Variants in BCAR1 observed in about 807,000 individuals in gnomAD.
BCAR1 encodes BCAR1 scaffold protein, Cas family member.
Under a neutral mutation model 67.6 loss-of-function variants are expected in BCAR1, and 30 were observed. That is an observed-to-expected ratio of 0.44 (90% CI 0.33 to 0.60). The LOEUF (loss-of-function observed/expected upper bound fraction) is 0.60, where lower values mean the gene tolerates loss of function less well. Ranked by LOEUF, BCAR1 falls within the 20% of genes least tolerant of loss-of-function variation. The pLI, the probability that BCAR1 is intolerant of heterozygous loss-of-function variation, is 0.02. For missense variants in BCAR1, 1,313 were observed against 1,222.3 expected (o/e 1.07, Z -1.11); for synonymous variants, 626 against 556.7 (o/e 1.12, Z -1.75).
upstream of BCAR1, chr16:75,256,288 G>C (rs1209121081): frequency 7.9e-6 from 1 of 126,342 alleles, no homozygotes; most frequent in Admixed American, 7.8e-5. Context: ...ACTCAAGCTG[G>C]AGCTGTTACC....
At chr16:75,244,992 A>G (rs934874544) in intron 1 of BCAR1, among the ~76,000 whole-genome samples, 4 of 152,222 alleles carry the variant, frequency 2.6e-5, no homozygotes, top group African/African-American at 9.6e-5. Context: ...TTGGGGCTGA[A>G]AAACTACACA....
At chr16:75,266,470 C>CT in intron 1 of BCAR1, 1 of 337,530 alleles carries the variant, frequency 3.0e-6, no homozygotes, top group Non-Finnish European at 5.3e-6. Flanking sequence ...ACCCCCACTC[C>CT]TGGGCCCACC....
At chr16:75,248,217 C>T in intron 1 of BCAR1, 7 of 1,546,150 alleles carry the variant, frequency 4.5e-6, no homozygotes, top group Non-Finnish European at 6.1e-6. Flanking sequence ...GTGGAAACCA[C>T]CAGAGGAAAT....
Position 75,235,820 on chromosome 16 carries a change from T to A in BCAR1, c.1079A>T (p.Asp360Val), listed in dbSNP as rs773586132. 6.3e-7 allele frequency: 1 copy of A among 1,583,188 alleles called. No homozygotes were observed. The highest frequency in any genetic ancestry group is 8.6e-7 in the Non-Finnish European group (1 of 1,165,862). ...AGCCGGGGGCGGCACGTCATACACG[T>A]CCTCGGCCGGCGGGGAGTCTGGAGG... ...APPPDSPPAEDVYDVPPPAPD... is the reference protein window; with the variant it reads ...APPPDSPPAEVVYDVPPPAPD... Residue 360 changes from aspartate to valine, a missense_variant, in exon 5 of 7, where the codon GAC becomes GTC. By Grantham distance (152) the Asp-to-Val change is radical (BLOSUM62 -3). Coordinates refer to ENST00000162330, the MANE Select transcript of BCAR1 (RefSeq NM_014567.5).
chr16:75,266,635 C>A, intron 1 of BCAR1: 1 of 1,051,238 alleles, frequency 9.5e-7, no homozygotes, highest in East Asian at 3.2e-5. Flanking sequence ...CATGTTCGTC[C>A]CCATCGCTCC....
intron 1 of BCAR1, among the ~76,000 whole-genome samples, chr16:75,259,578 C>T (rs1203088853): frequency 3.3e-5 from 5 of 152,130 alleles, no homozygotes; most frequent in African/African-American, 7.2e-5. Context: ...ACTGGCCGGG[C>T]GCGGTGGCTC....
chr16:75,265,971 C>T (rs1222339855), intron 1 of BCAR1: 15 of 1,063,294 alleles, frequency 1.4e-5, no homozygotes, highest in Non-Finnish European at 1.6e-5. Flanking sequence ...CGTTCCCGGA[C>T]GCCGGACTGT....
At chr16:75,246,316 T>G (rs1253181120) in intron 1 of BCAR1, 3 of 152,280 alleles carry the variant, frequency 2.0e-5, no homozygotes, top group African/African-American at 7.2e-5. Flanking sequence ...CTGCTTTGGC[T>G]GGGCTCCGCA....
Position 75,235,204 on chromosome 16 carries a change from G to T in BCAR1, c.1695C>A (p.Gly565=). The T allele has an allele frequency of 6.2e-7, 1 of 1,608,244 alleles. No homozygotes were observed. The change falls in exon 5 of 7, where the codon GGC becomes GGA. Residue 565 remains glycine, a synonymous_variant. Coordinates refer to ENST00000162330, the MANE Select transcript of BCAR1 (RefSeq NM_014567.5). ...CAAGGGTGGCTCCAGAGCCTCCCCG[G>T]CCAGCGTCGAGGGCCTGACCATGTG... The part of the protein sequence containing the change: ...LVAHGQALDA[G]RGGSGATLED...
intron 6 of BCAR1, among the ~76,000 whole-genome samples, chr16:75,231,448 T>A (rs1054443928): frequency 6.6e-6 from 1 of 152,246 alleles, no homozygotes; most frequent in Non-Finnish European, 1.5e-5. Flanking sequence ...GTCCATACTT[T>A]ATTGAATCAA....
At chr16:75,265,015 C>G (rs2077973307) in intron 1 of BCAR1, 1 of 152,764 alleles carries the variant, frequency 6.5e-6, no homozygotes, top group Non-Finnish European at 1.5e-5. Flanking sequence ...GGATCACTTG[C>G]TGTTCTCAGG....
At chr16:75,248,395 G>T in intron 1 of BCAR1, 1 of 1,196,102 alleles carries the variant, frequency 8.4e-7, no homozygotes. Flanking sequence ...CTATTTGCTT[G>T]TCCCAAAGAG....
upstream of BCAR1, chr16:75,252,286 A>G (rs952763816): frequency 1.4e-5 from 21 of 1,536,610 alleles, no homozygotes; most frequent in Non-Finnish European, 1.8e-5. Flanking sequence ...CCTCCAGCTG[A>G]TCTGCCTCCT....
Position 75,229,497 on chromosome 16 carries a change from T to C in BCAR1, c.*14A>G. On this transcript the variant is annotated 3_prime_UTR_variant, in exon 7 of 7. Transcript: ENST00000162330. The stretch of plus-strand genomic sequence containing the variant: ...CCGCACCCCTCCCCTGCCTCCCTCC[T>C]GGGGTCACCACCCTCAGGCGGCTGC... 4.5e-6 allele frequency: 7 copies of C among 1,542,938 alleles called. No individual in the cohort carries two copies. The highest frequency in any genetic ancestry group is 6.1e-6 in the Non-Finnish European group (7 of 1,145,542).
intron 1 of BCAR1, among the ~76,000 whole-genome samples, chr16:75,257,595 C>A (rs1378961055): frequency 6.6e-6 from 1 of 152,226 alleles, no homozygotes; most frequent in Non-Finnish European, 1.5e-5. Flanking sequence ...GCTGGGTCTA[C>A]AGGTGTGCAC....
rs1183631270 is a variant in BCAR1, at chr16:75,229,571, C to A, written c.2553G>T (p.Lys851Asn). 3.1e-6 allele frequency: 5 copies of A among 1,609,428 alleles called. No individual in the cohort carries two copies. The highest frequency in any genetic ancestry group is 4.2e-6 in the Non-Finnish European group (5 of 1,178,942). Residue 851 changes from lysine (K) to asparagine (N), a missense_variant, in exon 7 of 7, where the codon AAG becomes AAT. By Grantham distance (94) the Lys-to-Asn change is moderately conservative (BLOSUM62 0). Coordinates refer to ENST00000162330, the MANE Select transcript of BCAR1 (RefSeq NM_014567.5). ...ACTGCTGGGTGCTGTGGCCCAGCTCCTTGACCCTCTCCACCATGTCCTGGG... is the reference window on the plus strand; with the variant it reads ...ACTGCTGGGTGCTGTGGCCCAGCTCATTGACCCTCTCCACCATGTCCTGGG... ...SAAQDMVERV[K>N]ELGHSTQQFR... is the part of the protein sequence containing the mutation.
At chr16:75,254,208 G>T (rs1001464643), upstream of BCAR1, among the ~76,000 whole-genome samples, 1 of 152,132 alleles carries the variant, frequency 6.6e-6, no homozygotes, top group Non-Finnish European at 1.5e-5. Flanking sequence ...AAATGGGGCT[G>T]CTAGACCTCA....
rs769561248 is a variant in BCAR1, at chr16:75,242,604, C to A, written c.499G>T (p.Val167Leu). ...FPSPATDLYQ[V>L]PPGPGGPAQD... Reference sequence around the variant, plus strand: ...GCAGGGCCTCCAGGCCCTGGGGGCACCTGGTACAGGTCTGTGGCCGGGCTG... The same window carrying A: ...GCAGGGCCTCCAGGCCCTGGGGGCAACTGGTACAGGTCTGTGGCCGGGCTG... Residue 167 changes from valine to leucine, a missense_variant, in exon 2 of 7, where the codon GTG becomes TTG. By Grantham distance (32) the Val-to-Leu change is conservative. Coordinates refer to ENST00000162330, the MANE Select transcript of BCAR1 (RefSeq NM_014567.5). 6.7e-7 allele frequency: 1 copy of A among 1,499,752 alleles called. No homozygotes were observed. The highest frequency in any genetic ancestry group is 2.4e-5 in the Admixed American group (1 of 41,878). The allele number at this position is 1,499,752 out of a possible 1,614,324, so 92.9% of individuals were successfully genotyped here.
chr16:75,240,061 C>T (rs893520692), intron 2 of BCAR1, among the ~76,000 whole-genome samples: 1 of 152,188 alleles, frequency 6.6e-6, no homozygotes. Context: ...CCAGTGTGGC[C>T]CTCACCTCTC....
Sources: allele counts gnomAD v4.1 joint callset (sites outside exome capture counted in the v4.1 genomes callset), GRCh38; gene constraint gnomAD v4.1.1; transcripts MANE v1.5; gene names NCBI Gene and HGNC (gene_info 2026-07-23, HGNC 2026-07-21).